Variants in OPHN1 observed in about 807,000 individuals in gnomAD.
OPHN1 encodes the protein oligophrenin 1, also known as oligophrenin-1.
OPHN1 carries 11 observed loss-of-function variants against 60.7 expected under a neutral mutation model. That is an observed-to-expected ratio of 0.18 (90% CI 0.11 to 0.30). OPHN1 has a LOEUF of 0.30. OPHN1 is among the 10% of genes least tolerant of loss of function. The pLI is 1.00. For synonymous variants in OPHN1, 226 were observed against 222.6 expected (o/e 1.02, Z -0.14); for missense variants, 449 against 611.0 (o/e 0.73, Z 2.80).
At chrX:68,347,307 A>T (rs1033188054) in intron 2 of OPHN1, among the ~76,000 whole-genome samples, 1 of 111,213 alleles carries the variant, frequency 9.0e-6, no homozygotes, top group African/African-American at 3.3e-5. Flanking sequence ...CCAGTGATCA[A>T]ATTTTAACAC....
At chrX:68,410,048 A>T (rs1320752409) in intron 2 of OPHN1, among the ~76,000 whole-genome samples, 1 of 111,994 alleles carries the variant, frequency 8.9e-6, no homozygotes, top group Non-Finnish European at 1.9e-5. Flanking sequence ...AAAGTAGCAA[A>T]TCCAACATTT....
At position 68,052,585 on chromosome X, in the gene OPHN1, G is replaced by A. The variant is rs2076856719; in HGVS notation, c.2330C>T (p.Ala777Val). The change falls in exon 23 of 25, where the codon GCT (alanine) becomes GTT (valine). Residue 777 changes from alanine (A) to valine (V), a missense_variant. This residue lies in a region of OPHN1 where 184 missense variants were observed against 160.5 expected (regional missense o/e 1.15). Coordinates refer to ENST00000355520, the MANE Select transcript of OPHN1 (RefSeq NM_002547.3). Reference protein sequence around the residue: ...NAGEITSSVVASRTRFFETAS... With the variant: ...NAGEITSSVVVSRTRFFETAS... ...TGTTTCAAAAAACCTGGTCCTGGAA[G>A]CCACCCTGCAAACAGAAGCCAACCA... 1 of 1,205,548 alleles carries A rather than the reference G, an allele frequency of 8.3e-7. No homozygotes were observed. Among genetic ancestry groups the A allele is most frequent in the Non-Finnish European group, 1.1e-6 (1 of 892,786 alleles).
intron 6 of OPHN1, among the ~76,000 whole-genome samples, chrX:68,217,232 A>T (rs760225873): frequency 9.1e-4 from 102 of 111,926 alleles, no homozygotes; most frequent in African/African-American, 3.2e-3. Flanking sequence ...GGCTTAAAAA[A>T]CGGAGCACCA....
chrX:68,051,430 A>C (rs1298034476), intron 23 of OPHN1, among the ~76,000 whole-genome samples: 1 of 111,608 alleles, frequency 9.0e-6, no homozygotes, highest in Non-Finnish European at 1.9e-5. Flanking sequence ...TAAAACAAAA[A>C]AATCATATTC....
intron 2 of OPHN1, among the ~76,000 whole-genome samples, chrX:68,317,347 G>GAAAGAAAGAA (rs1264370948): frequency 2.0e-5 from 1 of 49,853 alleles, no homozygotes; most frequent in Non-Finnish European, 3.4e-5. Flanking sequence ...AGGAAAGAAA[G>GAAAGAAAGAA]AAAGAAAGAA....
chrX:68,245,479 C>G (rs1480922174), intron 5 of OPHN1, among the ~76,000 whole-genome samples: 1 of 112,058 alleles, frequency 8.9e-6, no homozygotes, highest in Non-Finnish European at 1.9e-5. Context: ...TTTCTTCTTT[C>G]AAGAGTGGAG....
At chrX:68,366,253 C>T (rs2078498158) in intron 2 of OPHN1, among the ~76,000 whole-genome samples, 1 of 110,976 alleles carries the variant, frequency 9.0e-6, no homozygotes, top group African/African-American at 3.3e-5. Context: ...GTAAAACCTG[C>T]ACCAGGTGAG....
chrX:68,258,537 G>T (rs1956929116), intron 5 of OPHN1, among the ~76,000 whole-genome samples: 1 of 106,805 alleles, frequency 9.4e-6, no homozygotes, highest in Non-Finnish European at 1.9e-5. Flanking sequence ...CCTTGCGATA[G>T]TTTGCTGAGA....
intron 7 of OPHN1, 120 bp downstream of exon 7, chrX:68,213,742 A>T: frequency 1.9e-6 from 1 of 519,184 alleles, no homozygotes; most frequent in South Asian, 2.8e-5. Flanking sequence ...ACTACGTTCT[A>T]GACATTTCCA....
intron 2 of OPHN1, among the ~76,000 whole-genome samples, chrX:68,404,032 A>G (rs1195956887): frequency 9.1e-6 from 1 of 110,461 alleles, no homozygotes; most frequent in East Asian, 2.8e-4. Flanking sequence ...AACTTTGTAT[A>G]TATGTAAGTC....
At chrX:68,107,624 C>T (rs984072467) in intron 18 of OPHN1, among the ~76,000 whole-genome samples, 3 of 110,988 alleles carry the variant, frequency 2.7e-5, no homozygotes, top group Non-Finnish European at 5.7e-5. Flanking sequence ...TTACAGGCAT[C>T]CACCATCATG....
Position 68,372,345 on chromosome X carries a change from T to C in OPHN1, c.154+60522A>G, listed in dbSNP as rs969819190. ...CCACAGCCGGGCACAGTGGGTTATA[T>C]TGCATTATGAATGTAACCAATGCCA... On this transcript the variant is annotated intron_variant, in intron 2 of 24. Coordinates refer to ENST00000355520, the MANE Select transcript of OPHN1 (RefSeq NM_002547.3). Among the ~76,000 whole-genome samples the C allele has an allele frequency of 8.1e-5, 9 of 111,418 alleles. No homozygotes were observed. In the East Asian group the frequency reaches 1.1e-3, roughly 14 times the overall value.
intron 15 of OPHN1, among the ~76,000 whole-genome samples, chrX:68,164,528 T>C (rs950365442): frequency 1.8e-5 from 2 of 111,704 alleles, no homozygotes; most frequent in Non-Finnish European, 1.9e-5. Context: ...GTTTCAAGAG[T>C]GGGCTTAAAA....
chrX:68,059,661 T>C (rs1160615379), intron 21 of OPHN1, among the ~76,000 whole-genome samples: 2 of 112,077 alleles, frequency 1.8e-5, no homozygotes, highest in Admixed American at 9.5e-5. Flanking sequence ...ATGCCACTCA[T>C]AACATTAGTC....
At chrX:68,227,565 C>A (rs2077702025) in intron 6 of OPHN1, among the ~76,000 whole-genome samples, 1 of 111,595 alleles carries the variant, frequency 9.0e-6, no homozygotes, top group Admixed American at 9.6e-5. Context: ...TCTCTCAGAC[C>A]ACAGTGCAAT....
chrX:68,230,937 A>C (rs1046280409), intron 6 of OPHN1, among the ~76,000 whole-genome samples: 2 of 111,858 alleles, frequency 1.8e-5, no homozygotes, highest in African/African-American at 6.5e-5. Context: ...TGAAGATATC[A>C]ACGAAATTAA....
chrX:68,405,461 G>A (rs1172813373), intron 2 of OPHN1, among the ~76,000 whole-genome samples: 1 of 111,915 alleles, frequency 8.9e-6, no homozygotes, highest in Non-Finnish European at 1.9e-5. Flanking sequence ...AATGTGTTGT[G>A]ATTACAGACA....
chrX:68,173,421 T>C lies in OPHN1; in HGVS notation c.1276+19498A>G, dbSNP rs549486174. On this transcript the variant is annotated intron_variant, in intron 15 of 24. Transcript: ENST00000355520. ...TTAAGCCTCTCCTACACAGTGGCTA[T>C]CTTGACAGGAATAAACGGGACACAG... 6.6e-3 allele frequency among the ~76,000 whole-genome samples: 740 copies of C among 111,733 alleles called. 3 individuals are homozygous for C. The highest frequency in any genetic ancestry group is 0.011 in the Non-Finnish European group (588 of 53,223).
intron 18 of OPHN1, among the ~76,000 whole-genome samples, chrX:68,102,992 T>C (rs183178339): frequency 8.1e-5 from 9 of 111,496 alleles, no homozygotes; most frequent in Non-Finnish European, 1.3e-4. Context: ...TTCCAAACAA[T>C]AGAAAAAGAG....
Sources: gnomAD v4.1 joint callset for allele counts (sites outside exome capture counted in the v4.1 genomes callset) on GRCh38, gnomAD v4.1.1 for gene constraint, gnomAD v4.1.1 regional missense constraint, MANE v1.5 for transcripts, NCBI Gene and HGNC (gene_info 2026-07-23, HGNC 2026-07-21) for gene names.